SNX30: variants seen among roughly 807,000 people sequenced by gnomAD.
SNX30 encodes the protein sorting nexin-30.
In SNX30, 24 loss-of-function variants were observed where a neutral mutation model predicts 46.4. The observed-to-expected ratio is 0.52, with a 90% CI of 0.37 to 0.73. SNX30 has a LOEUF of 0.73. SNX30 is among the 30% of genes least tolerant of loss of function. The pLI is 0.00. For synonymous variants in SNX30, 189 were observed against 211.5 expected (o/e 0.89, Z 0.92); for missense variants, 533 against 555.7 (o/e 0.96, Z 0.41).
intron 6 of SNX30, among the ~76,000 whole-genome samples, chr9:112,842,837 C>T (rs1000161250): frequency 3.3e-5 from 5 of 152,220 alleles, no homozygotes; most frequent in Non-Finnish European, 7.3e-5. Flanking sequence ...TGAGTTTAAG[C>T]AGTGAACAAT....
chr9:112,829,976 A>G (rs758104937), intron 3 of SNX30, among the ~76,000 whole-genome samples: 1 of 152,192 alleles, frequency 6.6e-6, no homozygotes, highest in Non-Finnish European at 1.5e-5. Context: ...ATTTTAAAAC[A>G]TGTGCATAGC....
intron 7 of SNX30, among the ~76,000 whole-genome samples, chr9:112,862,415 T>G (rs944147226): frequency 6.6e-6 from 1 of 152,148 alleles, no homozygotes; most frequent in African/African-American, 2.4e-5. Flanking sequence ...GGCCTGTGCC[T>G]GTGGGGAGGT....
chr9:112,804,353 C>CGG (rs2131401616), intron 1 of SNX30, among the ~76,000 whole-genome samples: 1 of 152,212 alleles, frequency 6.6e-6, no homozygotes, highest in Admixed American at 6.5e-5. Flanking sequence ...TTAGTAGAGA[C>CGG]GGGGTTTCAC....
At chr9:112,759,348 C>G (rs1295217538) in intron 1 of SNX30, among the ~76,000 whole-genome samples, 2 of 152,064 alleles carry the variant, frequency 1.3e-5, no homozygotes, top group African/African-American at 2.4e-5. Context: ...CTTTATAGTC[C>G]TTATTTTGCC....
chr9:112,851,002 G>GT, intron 7 of SNX30, 57 bp downstream of exon 7: 1 of 1,366,138 alleles, frequency 7.3e-7, no homozygotes, highest in East Asian at 2.3e-5. Context: ...CTGGTGCTAA[G>GT]TAAATTCTCA....
intron 4 of SNX30, 128 bp from the exon 5 acceptor site, chr9:112,836,086 C>T (rs7025601): frequency 2.3e-6 from 2 of 882,724 alleles, no homozygotes; most frequent in African/African-American, 3.3e-5. Context: ...TGATTAGAGC[C>T]TCTAACTCAG....
At chr9:112,836,520 G>C in intron 5 of SNX30, 111 bp downstream of exon 5, 1 of 1,159,526 alleles carries the variant, frequency 8.6e-7, no homozygotes, top group Non-Finnish European at 1.2e-6. Context: ...ACAGAACTAG[G>C]CCATCTTTTG....
intron 1 of SNX30, among the ~76,000 whole-genome samples, chr9:112,766,812 A>G (rs1032527597): frequency 1.3e-5 from 2 of 152,184 alleles, no homozygotes; most frequent in Non-Finnish European, 2.9e-5. Flanking sequence ...TTAAGGCTGT[A>G]TAGTATTTCA....
intron 2 of SNX30, among the ~76,000 whole-genome samples, chr9:112,813,866 A>C (rs1840357645): frequency 6.6e-6 from 1 of 152,110 alleles, no homozygotes; most frequent in Non-Finnish European, 1.5e-5. Context: ...AATAGTTTTT[A>C]ATTATTGAAT....
chr9:112,870,020 C>G lies in SNX30; in HGVS notation c.*1177C>G, dbSNP rs957114714. ...GAAAATGACAAATGCAACAGCGAGC[C>G]CTTTGTGTCCAGCTAAGCTAAAGTC... On this transcript the variant is annotated 3_prime_UTR_variant, in exon 9 of 9. Transcript: ENST00000374232. The G allele has an allele frequency of 6.6e-5, 10 of 152,132 alleles. No individual in the cohort carries two copies. The highest frequency in any genetic ancestry group is 2.9e-5 in the Non-Finnish European group (2 of 68,030). The allele number at this position is 152,132 out of a possible 1,614,324, so 9.4% of individuals were successfully genotyped here. A position where few individuals can be genotyped will look rare whatever the true frequency, so the allele number is the denominator to read the frequency against.
chr9:112,783,271 C>A (rs1183125344), intron 1 of SNX30, among the ~76,000 whole-genome samples: 1 of 152,194 alleles, frequency 6.6e-6, no homozygotes, highest in African/African-American at 2.4e-5. Context: ...TGTGCCTCTG[C>A]TTCTTATTAG....
chr9:112,865,661 A>ATATATATATGTGTGTGTGTGTGTGTG, intron 8 of SNX30, among the ~76,000 whole-genome samples: 2 of 105,686 alleles, frequency 1.9e-5, no homozygotes, highest in Non-Finnish European at 3.8e-5. Flanking sequence ...ATATATATAT[A>ATATATATATGTGTGTGTGTGTGTGTG]TGTATGTATG....
At position 112,804,947 on chromosome 9, in the gene SNX30, A is replaced by T; in HGVS notation, c.328A>T (p.Thr110Ser). The part of the protein sequence containing the change: ...KHVCTMETYI[T>S]YRITTKSTRV... Reference sequence around the variant, plus strand: ...TGTGTGTACAATGGAGACTTACATCACCTATAGGATCACCACCAAAGTAGG... The same window carrying T: ...TGTGTGTACAATGGAGACTTACATCTCCTATAGGATCACCACCAAAGTAGG... Residue 110 changes from threonine (T) to serine (S), a missense_variant, in exon 2 of 9, where the codon ACC becomes TCC. By Grantham distance (58) the Thr-to-Ser change is moderately conservative (BLOSUM62 1). Around this residue, in one of 3 missense-constraint regions of SNX30, gnomAD observed 191 missense variants for 160.3 expected, o/e 1.19. Coordinates refer to ENST00000374232, the MANE Select transcript of SNX30 (RefSeq NM_001012994.2). 1 of 1,601,218 alleles carries T rather than the reference A, an allele frequency of 6.2e-7. No individual in the cohort carries two copies. The highest frequency in any genetic ancestry group is 8.5e-7 in the Non-Finnish European group (1 of 1,171,630).
intron 7 of SNX30, among the ~76,000 whole-genome samples, chr9:112,859,199 C>G (rs916473601): frequency 1.3e-5 from 2 of 152,114 alleles, no homozygotes; most frequent in Non-Finnish European, 2.9e-5. Flanking sequence ...CTGTGACTGG[C>G]TTATTTCACT....
At chr9:112,858,569 T>C (rs903920505) in intron 7 of SNX30, among the ~76,000 whole-genome samples, 9 of 152,214 alleles carry the variant, frequency 5.9e-5, no homozygotes, top group African/African-American at 2.2e-4. Context: ...GGTCAGTGAA[T>C]TGATAGTTAC....
intron 2 of SNX30, among the ~76,000 whole-genome samples, chr9:112,807,048 CTATCTTTT>C (rs1444136997): frequency 1.8e-4 from 17 of 94,788 alleles, no homozygotes; most frequent in Non-Finnish European, 3.7e-4. Context: ...CTTTTCTTTT[CTATCTTTT>C]TTTTTTTTTT....
chr9:112,827,624 CT>C (rs1413005849), intron 3 of SNX30, among the ~76,000 whole-genome samples: 1 of 152,048 alleles, frequency 6.6e-6, no homozygotes, highest in African/African-American at 2.4e-5. Context: ...TAGTATTCCA[CT>C]TTTTTGGGTT....
At chr9:112,804,650 C>T in intron 1 of SNX30, 126 bp from the exon 2 acceptor site, 1 of 731,078 alleles carries the variant, frequency 1.4e-6, no homozygotes, top group Non-Finnish European at 2.2e-6. Flanking sequence ...TAGGGAGAGG[C>T]TCAGGTGTTT....
rs547721936 is a variant in SNX30 at position 112,780,621 on chromosome 9, C to T, written c.157-24155C>T. Among the ~76,000 whole-genome samples, 13 of 152,262 alleles carry T rather than the reference C, an allele frequency of 8.5e-5. No individual in the cohort carries two copies. In the East Asian group the frequency reaches 1.7e-3, roughly 20 times the overall value. Reference sequence around the variant, plus strand: ...GTGGGCTCCTCCCTTGGTGTGGTAGCGCCATCATGCATAGAATTTAAAATG... The same window carrying T: ...GTGGGCTCCTCCCTTGGTGTGGTAGTGCCATCATGCATAGAATTTAAAATG... On this transcript the variant is annotated intron_variant, in intron 1 of 8. Coordinates refer to ENST00000374232, the MANE Select transcript of SNX30 (RefSeq NM_001012994.2).
Sources: gnomAD v4.1 joint callset for allele counts (sites outside exome capture counted in the v4.1 genomes callset) on GRCh38, gnomAD v4.1.1 for gene constraint, gnomAD v4.1.1 regional missense constraint, MANE v1.5 for transcripts, NCBI Gene and HGNC (gene_info 2026-07-23, HGNC 2026-07-21) for gene names.